The following SSPN variants were observed in gnomAD, a reference collection of about 807,000 sequenced individuals.
SSPN encodes sarcospan.
A neutral mutation model predicts 19.1 loss-of-function variants in SSPN; 15 were observed. The ratio of observed to expected loss-of-function variants is 0.78; its 90% CI spans 0.52 to 1.21. The LOEUF (loss-of-function observed/expected upper bound fraction) is 1.21, where lower values mean the gene tolerates loss of function less well. Among genes scored for constraint, SSPN ranks in the 50% most tolerant of loss-of-function variants. The pLI is 0.00. For synonymous variants in SSPN, 147 were observed against 140.3 expected (o/e 1.05, Z -0.34); for missense variants, 291 against 314.0 (o/e 0.93, Z 0.55).
intron 1 of SSPN, among the ~76,000 whole-genome samples, chr12:26,178,857 T>G (rs1944700980): frequency 6.6e-6 from 1 of 152,236 alleles, no homozygotes; most frequent in South Asian, 2.1e-4. Context: ...GATATGATGT[T>G]ACTGTAGATA....
At chr12:26,173,043 G>A (rs958314563) in intron 1 of SSPN, among the ~76,000 whole-genome samples, 1 of 152,030 alleles carries the variant, frequency 6.6e-6, no homozygotes, top group African/African-American at 2.4e-5. Context: ...AGGGCTCTTT[G>A]TTTTGATCCT....
At chr12:26,157,445 T>G (rs1944562404) in intron 1 of SSPN, among the ~76,000 whole-genome samples, 1 of 152,198 alleles carries the variant, frequency 6.6e-6, no homozygotes. Flanking sequence ...GAATTAACTT[T>G]GGTCCATTTA....
chr12:26,122,472 C>T (rs1335950946), intron 1 of SSPN: 1 of 1,344,094 alleles, frequency 7.4e-7, no homozygotes, highest in Non-Finnish European at 9.6e-7. Context: ...GAAGGGCAGG[C>T]AGAAGGGGGC....
intron 1 of SSPN, among the ~76,000 whole-genome samples, chr12:26,164,618 T>C (rs1274098140): frequency 6.6e-6 from 1 of 152,234 alleles, no homozygotes; most frequent in East Asian, 1.9e-4. Context: ...AGTGACATTT[T>C]TATTATTGAT....
chr12:26,195,509 T>C (rs1044013285), upstream of SSPN: 8 of 1,191,508 alleles, frequency 6.7e-6, no homozygotes, highest in African/African-American at 1.3e-4. Flanking sequence ...TGCTGCGGGC[T>C]CCCCGTGGCC....
chr12:26,125,138 G>A (rs1397583731), intron 1 of SSPN: 3 of 395,908 alleles, frequency 7.6e-6, no homozygotes, highest in Non-Finnish European at 9.5e-6. Context: ...AGGAGGGGCC[G>A]GGCCGGGCGG....
intron 1 of SSPN, among the ~76,000 whole-genome samples, chr12:26,141,955 G>A (rs1303195020): frequency 6.6e-6 from 1 of 152,182 alleles, no homozygotes; most frequent in Non-Finnish European, 1.5e-5. Context: ...AAGCACCTTG[G>A]CAGGCTCTCC....
intron 1 of SSPN, among the ~76,000 whole-genome samples, chr12:26,135,450 C>A (rs1944419968): frequency 6.6e-6 from 1 of 152,050 alleles, no homozygotes; most frequent in African/African-American, 2.4e-5. Context: ...AGCAAAGGGT[C>A]AGTACAGACA....
intron 1 of SSPN, among the ~76,000 whole-genome samples, chr12:26,152,472 AG>A (rs1308933443): frequency 2.0e-5 from 3 of 152,230 alleles, no homozygotes; most frequent in Non-Finnish European, 4.4e-5. Flanking sequence ...TGAAAATTTA[AG>A]AACTGGCTCT....
At chr12:26,220,185 T>G (rs1364160759) in intron 1 of SSPN, among the ~76,000 whole-genome samples, 2 of 142,168 alleles carry the variant, frequency 1.4e-5, no homozygotes, top group Non-Finnish European at 3.0e-5. Flanking sequence ...AAAACATGCT[T>G]ACACTGAACA....
chr12:26,177,552 A>G (rs1244133195), intron 1 of SSPN, among the ~76,000 whole-genome samples: 2 of 152,146 alleles, frequency 1.3e-5, no homozygotes, highest in African/African-American at 4.8e-5. Flanking sequence ...TTCCCCTCCC[A>G]TCAAGGAGCT....
intron 1 of SSPN, among the ~76,000 whole-genome samples, chr12:26,170,806 A>G (rs1256294383): frequency 6.6e-6 from 1 of 152,160 alleles, no homozygotes; most frequent in Admixed American, 6.5e-5. Flanking sequence ...TTAGCAGTTG[A>G]ATGGGGGAGA....
At chr12:26,184,370 C>T (rs1469879268) in intron 1 of SSPN, among the ~76,000 whole-genome samples, 2 of 152,196 alleles carry the variant, frequency 1.3e-5, no homozygotes, top group African/African-American at 4.8e-5. Flanking sequence ...TGAAAACTAT[C>T]ATATAAAACA....
intron 1 of SSPN, among the ~76,000 whole-genome samples, chr12:26,145,295 T>C (rs2137409671): frequency 6.6e-6 from 1 of 152,292 alleles, no homozygotes; most frequent in African/African-American, 2.4e-5. Flanking sequence ...GGGTTGATCC[T>C]TCCACCTTCG....
intron 2 of SSPN, among the ~76,000 whole-genome samples, chr12:26,230,250 G>C (rs1285732953): frequency 6.6e-6 from 1 of 152,156 alleles, no homozygotes; most frequent in East Asian, 1.9e-4. Flanking sequence ...GCTATTAGTT[G>C]ACCCATCATT....
At chr12:26,187,687 A>C (rs1944762536) in intron 1 of SSPN, among the ~76,000 whole-genome samples, 1 of 152,196 alleles carries the variant, frequency 6.6e-6, no homozygotes, top group Non-Finnish European at 1.5e-5. Flanking sequence ...AAAACAATGC[A>C]CTTATAGAAG....
At chr12:26,144,333 G>A (rs1330613335) in intron 1 of SSPN, among the ~76,000 whole-genome samples, 1 of 152,236 alleles carries the variant, frequency 6.6e-6, no homozygotes, top group Non-Finnish European at 1.5e-5. Flanking sequence ...CCACCAGGCT[G>A]TAAGGCAGGA....
intron 1 of SSPN, among the ~76,000 whole-genome samples, chr12:26,127,040 A>G (rs1267387683): frequency 1.3e-5 from 2 of 152,086 alleles, no homozygotes; most frequent in Non-Finnish European, 2.9e-5. Flanking sequence ...CCTCTTTTTA[A>G]TTGACTAAAA....
chr12:26,192,178 T>A (rs903250506), upstream of SSPN, among the ~76,000 whole-genome samples: 1 of 152,204 alleles, frequency 6.6e-6, no homozygotes, highest in African/African-American at 2.4e-5. Context: ...CCCAAGAGGA[T>A]CAAAATAATC....
Sources: allele counts gnomAD v4.1 joint callset (sites outside exome capture counted in the v4.1 genomes callset), GRCh38; gene constraint gnomAD v4.1.1; transcripts MANE v1.5; gene names NCBI Gene and HGNC (gene_info 2026-07-23, HGNC 2026-07-21).